Variants in VPS13D observed in about 807,000 individuals in gnomAD.
VPS13D encodes intermembrane lipid transfer protein VPS13D.
Under a neutral mutation model 461.9 loss-of-function variants are expected in VPS13D, and 187 were observed. The ratio of observed to expected loss-of-function variants is 0.40; its 90% CI spans 0.36 to 0.46. VPS13D has a LOEUF of 0.46. Ranked by LOEUF, VPS13D falls within the 20% of genes least tolerant of loss-of-function variation. The probability of loss-of-function intolerance (pLI) is 0.60; values close to 1 mark genes in which losing one functional copy is unlikely to be tolerated. For synonymous variants in VPS13D, 1,951 were observed against 1,986.3 expected (o/e 0.98, Z 0.47); for missense variants, 4,711 against 5,364.9 (o/e 0.88, Z 3.81).
Position 12,275,886 on chromosome 1 carries a change from T to C in VPS13D, c.2298T>C (p.Asp766=). The C allele has an allele frequency of 1.2e-6, 2 of 1,613,532 alleles. No homozygotes were observed. Among genetic ancestry groups the C allele is most frequent in the Non-Finnish European group, 1.7e-6 (2 of 1,179,874 alleles). ...CTGAAGAGACCCAGTTTAGTGATGA[T>C]GAATATAAGACCCCCCTGGCCACAC... The part of the protein sequence containing the change: ...SASEETQFSD[D]EYKTPLATPP... The change falls in exon 19 of 70, where the codon GAT becomes GAC. Residue 766 remains aspartate, a synonymous_variant. Transcript: ENST00000620676.
chr1:12,451,740 G>A (rs1645264500), intron 65 of VPS13D, among the ~76,000 whole-genome samples: 1 of 152,192 alleles, frequency 6.6e-6, no homozygotes, highest in Admixed American at 6.5e-5. Context: ...TTTGCTGGGG[G>A]GATATGCCAT....
chr1:12,493,957 G>C lies in VPS13D; in HGVS notation c.12663-3543G>C, dbSNP rs1288945904. ...TGATGAGGTGATACAGGAGTGGGGG[G>C]AAAATTCCTTTAATCCAGCTTTCTG... On this transcript the variant is annotated intron_variant, in intron 67 of 69. Coordinates refer to ENST00000620676, the MANE Select transcript of VPS13D (RefSeq NM_015378.4). 5.3e-5 allele frequency among the ~76,000 whole-genome samples: 8 copies of C among 152,148 alleles called. No individual in the cohort carries two copies. The South Asian group carries it at 1.2e-3, about 24-fold the overall frequency.
chr1:12,299,147 G>A lies in VPS13D; in HGVS notation c.6034-55G>A. On this transcript the variant is annotated intron_variant, in intron 24 of 69. Coordinates refer to ENST00000620676, the MANE Select transcript of VPS13D (RefSeq NM_015378.4). The surrounding 1 kb of genome is among the most constrained non-coding windows in gnomAD (Gnocchi z 4.2). ...ACTTTTGGGAACCTGAGGTTATTTG[G>A]TGGTAAAATTAGGGAATTAATTATC... 1 of 1,488,642 alleles carries A rather than the reference G, an allele frequency of 6.7e-7. No homozygotes were observed. Among genetic ancestry groups the A allele is most frequent in the East Asian group, 2.4e-5 (1 of 42,432 alleles). The allele number at this position is 1,488,642 out of a possible 1,614,324, so 92.2% of individuals were successfully genotyped here.
intron 68 of VPS13D, chr1:12,500,055 A>T (rs1203408469): frequency 3.0e-6 from 3 of 985,360 alleles, no homozygotes; most frequent in Non-Finnish European, 2.4e-6. Context: ...AGTTAGGCTC[A>T]CTGTTTCACT....
intron 50 of VPS13D, among the ~76,000 whole-genome samples, chr1:12,360,231 G>C (rs1643929087): frequency 6.6e-6 from 1 of 152,204 alleles, no homozygotes; most frequent in South Asian, 2.1e-4. Flanking sequence ...TATCATTCTT[G>C]AGGGTCATGA....
chr1:12,309,220 T>C lies in VPS13D; in HGVS notation c.6650+579T>C, dbSNP rs1010353605. On this transcript the variant is annotated intron_variant, in intron 27 of 69. Coordinates refer to ENST00000620676, the MANE Select transcript of VPS13D (RefSeq NM_015378.4). ...GATTTGATCTTTTTTTTCTTTTTTT[T>C]TTTTTTTTTGAGATGGAGTCTCACT... Among the ~76,000 whole-genome samples the C allele has an allele frequency of 8.6e-4, 128 of 149,294 alleles. 2 individuals carry two copies. Among genetic ancestry groups the C allele is most frequent in the Non-Finnish European group, 2.7e-4 (18 of 67,144 alleles).
chr1:12,309,152 G>T (rs2101488438), intron 27 of VPS13D, among the ~76,000 whole-genome samples: 1 of 151,998 alleles, frequency 6.6e-6, no homozygotes, highest in Non-Finnish European at 1.5e-5. Flanking sequence ...ATGTTTTGTT[G>T]AGGGATACAG....
chr1:12,349,890 G>T (rs575511295), intron 46 of VPS13D, among the ~76,000 whole-genome samples: 23 of 152,176 alleles, frequency 1.5e-4, no homozygotes, highest in African/African-American at 5.5e-4. Flanking sequence ...AAATAATACT[G>T]GATTGCTATG....
chr1:12,278,919 G>A (rs1002861099), intron 19 of VPS13D, among the ~76,000 whole-genome samples: 1 of 152,330 alleles, frequency 6.6e-6, no homozygotes, highest in South Asian at 2.1e-4. Context: ...CAGAGATCAG[G>A]TAAGTCCTAG....
intron 52 of VPS13D, among the ~76,000 whole-genome samples, chr1:12,366,256 T>C (rs1348477495): frequency 6.6e-6 from 1 of 152,192 alleles, no homozygotes; most frequent in African/African-American, 2.4e-5. Flanking sequence ...TCTAATTCAA[T>C]AGTGAGCCCT....
chr1:12,280,784 C>T (rs536872563), intron 20 of VPS13D, among the ~76,000 whole-genome samples: 13 of 152,028 alleles, frequency 8.6e-5, no homozygotes, highest in South Asian at 4.1e-4. Context: ...CCACCATGCC[C>T]GGCCTATGTT....
At chr1:12,254,312 A>G (rs1300346002) in intron 7 of VPS13D, among the ~76,000 whole-genome samples, 2 of 151,980 alleles carry the variant, frequency 1.3e-5, no homozygotes, top group African/African-American at 4.8e-5. Context: ...AAGTGCTGGG[A>G]TTATAGGCAT....
intron 13 of VPS13D, 48 bp from the exon 14 acceptor site, chr1:12,266,833 T>G: frequency 1.4e-6 from 2 of 1,410,918 alleles, no homozygotes; most frequent in Non-Finnish European, 1.9e-6. Flanking sequence ...CAAAAACACA[T>G]TAGGCTCTCA....
At chr1:12,398,152 G>T (rs1487063467) in intron 60 of VPS13D, among the ~76,000 whole-genome samples, 1 of 152,092 alleles carries the variant, frequency 6.6e-6, no homozygotes, top group Non-Finnish European at 1.5e-5. Flanking sequence ...AATGGAAGTA[G>T]GAAAAAATAC....
intron 67 of VPS13D, among the ~76,000 whole-genome samples, chr1:12,480,603 T>C (rs150122391): frequency 6.6e-5 from 10 of 152,352 alleles, no homozygotes; most frequent in Middle Eastern, 3.4e-3. Flanking sequence ...ACTGGCTGAC[T>C]TTTAATGGAG....
chr1:12,475,926 A>G (rs1290621378), intron 67 of VPS13D, among the ~76,000 whole-genome samples: 1 of 152,144 alleles, frequency 6.6e-6, no homozygotes, highest in East Asian at 1.9e-4. Context: ...ACACCTTGAC[A>G]GAGGCATTTT....
chr1:12,470,395 C>A (rs550660998), intron 67 of VPS13D, among the ~76,000 whole-genome samples: 159 of 152,138 alleles, frequency 1.0e-3, no homozygotes, highest in Non-Finnish European at 1.7e-3. Flanking sequence ...TGTTAGAGGC[C>A]AAATTACCAC....
intron 65 of VPS13D, among the ~76,000 whole-genome samples, chr1:12,417,524 C>T (rs1211005272): frequency 1.3e-5 from 2 of 152,120 alleles, no homozygotes; most frequent in African/African-American, 4.8e-5. Context: ...TAGAGACTGG[C>T]TTTTTCATGA....
Position 12,411,337 on chromosome 1 carries a change from T to C in VPS13D, c.12031-3750T>C, listed in dbSNP as rs185765492. ...ACAGAGAAAAGAAAAATTTGGAGGC[T>C]ATTAAGAAAACAGGTCTGGGTGTGG... On this transcript the variant is annotated intron_variant, in intron 63 of 69. Transcript: ENST00000620676. Among the ~76,000 whole-genome samples, 81 of 152,168 alleles carry C rather than the reference T, an allele frequency of 5.3e-4. 1 individual carries two copies. Among genetic ancestry groups the C allele is most frequent in the African/African-American group, 1.9e-3 (79 of 41,540 alleles).
Sources: gnomAD v4.1 joint callset for allele counts (sites outside exome capture counted in the v4.1 genomes callset) on GRCh38, gnomAD v4.1.1 for gene constraint, Gnocchi (gnomAD v3.1) non-coding constraint, MANE v1.5 for transcripts, NCBI Gene and HGNC (gene_info 2026-07-23, HGNC 2026-07-21) for gene names.